Variants in ADCY10 observed in about 807,000 individuals in gnomAD.
ADCY10 encodes the protein adenylate cyclase type 10.
ADCY10 carries 156 observed loss-of-function variants against 183.3 expected under a neutral mutation model. The ratio of observed to expected loss-of-function variants is 0.85; its 90% CI spans 0.75 to 0.97. The LOEUF is 0.97. ADCY10 is among the 50% of genes least tolerant of loss of function. The pLI is 0.00. For synonymous variants in ADCY10, 645 were observed against 670.0 expected (o/e 0.96, Z 0.58); for missense variants, 1,745 against 1,934.3 (o/e 0.90, Z 1.84).
chr1:167,833,305 C>A, intron 24 of ADCY10, 143 bp from the exon 25 acceptor site: 3 of 786,340 alleles, frequency 3.8e-6, no homozygotes, highest in South Asian at 1.5e-5. Flanking sequence ...CTGTGCCTGG[C>A]ATAATAGAAA....
chr1:167,900,538 G>A (rs868835976), intron 5 of ADCY10, among the ~76,000 whole-genome samples: 1 of 151,674 alleles, frequency 6.6e-6, no homozygotes, highest in Admixed American at 6.6e-5. Context: ...ACTTATTTGG[G>A]CTTTTTTTTT....
rs549495630 is a variant in ADCY10 at position 167,810,679 on chromosome 1, T to A, written c.4671+46A>T. On this transcript the variant is annotated intron_variant, in intron 32 of 32. Transcript: ENST00000367851. ...GGCAGTAGGCTTCTGGGCTTCTTTATATGGGTGAGCATCGCCACCCCGGTT... is the reference window on the plus strand; with the variant it reads ...GGCAGTAGGCTTCTGGGCTTCTTTAAATGGGTGAGCATCGCCACCCCGGTT... 6.9e-6 allele frequency: 11 copies of A among 1,590,558 alleles called. No homozygotes were observed. In the South Asian group the frequency reaches 1.2e-4, roughly 18 times the overall value.
intron 2 of ADCY10, 139 bp downstream of exon 2, chr1:167,904,854 G>T: frequency 1.8e-6 from 2 of 1,112,282 alleles, no homozygotes; most frequent in Non-Finnish European, 2.7e-6. Flanking sequence ...TCCCTCTTGT[G>T]TTCTCAGTGG....
chr1:167,809,553 T>A lies in ADCY10; in HGVS notation c.*125A>T, dbSNP rs1662069812. 4 of 1,049,404 alleles carry A rather than the reference T, an allele frequency of 3.8e-6. No homozygotes were observed. In the Admixed American group the frequency reaches 5.7e-5, roughly 15 times the overall value. 65.0% of individuals were successfully genotyped at this position (1,049,404 alleles called of 1,614,324 possible). A position where few individuals can be genotyped will look rare whatever the true frequency, so the allele number is the denominator to read the frequency against. ...TCCAGAAAGAGAAGAAATCAACATG[T>A]CTGTTTCTGTGTCTGGAACAGAAGA... On this transcript the variant is annotated 3_prime_UTR_variant, in exon 33 of 33. Transcript: ENST00000367851.
chr1:167,859,112 T>TA (rs1666109106), intron 16 of ADCY10, among the ~76,000 whole-genome samples: 2 of 152,058 alleles, frequency 1.3e-5, no homozygotes, highest in Non-Finnish European at 2.9e-5. Flanking sequence ...GGCACTATAG[T>TA]AAAAAAATGA....
At chr1:167,811,015 A>G (rs977793000) in intron 31 of ADCY10, 102 bp from the exon 32 acceptor site, 34 of 1,116,902 alleles carry the variant, frequency 3.0e-5, no homozygotes, top group Middle Eastern at 2.1e-4. Context: ...CAAGGATTTA[A>G]GCAATCAAGT....
intron 25 of ADCY10, 41 bp from the exon 26 acceptor site, chr1:167,829,464 C>T: frequency 6.2e-7 from 1 of 1,612,228 alleles, no homozygotes. Context: ...TGAAAGGTAT[C>T]ATCATTACCA....
chr1:167,824,515 G>T lies in ADCY10; in HGVS notation c.4013C>A (p.Ser1338Tyr). ...GAGACATCTGCTAAGTCTGCAGAGGGACTGATAATGTCGGTTGGGATTCTG... is the reference window on the plus strand; with the variant it reads ...GAGACATCTGCTAAGTCTGCAGAGGTACTGATAATGTCGGTTGGGATTCTG... ...LLQNPNRHYQ[S>Y]LCRLSRCLLL... The change falls in exon 28 of 33, where the codon TCC becomes TAC. Residue 1338 changes from serine to tyrosine, a missense_variant. Transcript: ENST00000367851. 1.2e-6 allele frequency: 2 copies of T among 1,614,158 alleles called. No homozygotes were observed. Among genetic ancestry groups the T allele is most frequent in the Middle Eastern group, 1.7e-4 (1 of 6,058 alleles).
intron 3 of ADCY10, among the ~76,000 whole-genome samples, chr1:167,902,545 A>G (rs559539639): frequency 3.1e-4 from 47 of 152,350 alleles, no homozygotes; most frequent in Admixed American, 2.0e-3. Flanking sequence ...ACGGTATGGC[A>G]TAAATGGCCA....
intron 21 of ADCY10, 71 bp from the exon 22 acceptor site, chr1:167,837,389 C>G: frequency 1.5e-6 from 2 of 1,349,572 alleles, no homozygotes; most frequent in Non-Finnish European, 2.1e-6. Flanking sequence ...TGCTGTCTAC[C>G]CAAGACTCTT....
rs771111781 is a variant in ADCY10 at position 167,836,416 on chromosome 1, T to C, written c.3202A>G (p.Ile1068Val). ...AGAAAATGGTGGGCCAGAGGCAAGA[T>C]GACAATCTCTAGGATTTCTTCACAC... Reference protein sequence around the residue: ...CQCEEILEIVILPLAHHFLAL... With the variant: ...CQCEEILEIVVLPLAHHFLAL... The change falls in exon 23 of 33, where the codon ATC (isoleucine) becomes GTC (valine). Residue 1068 changes from isoleucine to valine, a missense_variant. Coordinates refer to ENST00000367851, the MANE Select transcript of ADCY10 (RefSeq NM_018417.6). The C allele has an allele frequency of 1.2e-6, 2 of 1,614,174 alleles. No homozygotes were observed. The highest frequency in any genetic ancestry group is 1.1e-5 in the South Asian group (1 of 91,092).
At chr1:167,850,662 CGT>C (rs35744623) in intron 18 of ADCY10, among the ~76,000 whole-genome samples, 13,665 of 87,616 alleles carry the variant, frequency 0.16, 728 homozygotes, top group Non-Finnish European at 0.19. Context: ...AAAAGGGGGC[CGT>C]GTGTGTGTGT....
In ADCY10 at chr1:167,901,996, A is replaced by C; in HGVS notation, c.292+20T>G. 1 of 1,613,518 alleles carries C rather than the reference A, an allele frequency of 6.2e-7. No homozygotes were observed. The highest frequency in any genetic ancestry group is 8.5e-7 in the Non-Finnish European group (1 of 1,179,788). Reference sequence around the variant, plus strand: ...TCAGCACTCCTTTCTTACCCCTTCTATCTTAGTAAGCCCCCATACCTGCAA... The same window carrying C: ...TCAGCACTCCTTTCTTACCCCTTCTCTCTTAGTAAGCCCCCATACCTGCAA... On this transcript the variant is annotated intron_variant, in intron 4 of 32. Transcript: ENST00000367851.
In ADCY10 at chr1:167,846,166, C is replaced by A; in HGVS notation, c.2535G>T (p.Leu845Phe). ...IIGLTFTTEL[L>F]FEILPCWNMK... ...TATTCCAACAGGGGAGAATCTCAAACAACAACTCAGTGGTGAAGGTCAGGC... is the reference window on the plus strand; with the variant it reads ...TATTCCAACAGGGGAGAATCTCAAAAAACAACTCAGTGGTGAAGGTCAGGC... Residue 845 changes from leucine (L) to phenylalanine (F), a missense_variant, in exon 20 of 33, where the codon TTG becomes TTT. Transcript: ENST00000367851. 6.2e-7 allele frequency: 1 copy of A among 1,614,092 alleles called. No individual in the cohort carries two copies. Among genetic ancestry groups the A allele is most frequent in the Non-Finnish European group, 8.5e-7 (1 of 1,179,962 alleles).
At chr1:167,881,354 G>C (rs1667858125) in intron 9 of ADCY10, among the ~76,000 whole-genome samples, 1 of 152,168 alleles carries the variant, frequency 6.6e-6, no homozygotes, top group South Asian at 2.1e-4. Context: ...GAAATTTTGA[G>C]TTTTTGACAT....
Position 167,899,627 on chromosome 1 carries a change from TC to T in ADCY10, c.437del (p.Gly146AspfsTer22), listed in dbSNP as rs1669253962. The T allele has an allele frequency of 6.2e-7, 1 of 1,613,754 alleles. No individual in the cohort carries two copies. The highest frequency in any genetic ancestry group is 8.5e-7 in the Non-Finnish European group (1 of 1,180,036). ...ACATGCTGATGTGGCCAGCAGCCAG[TC>T]CTGGCAAGAAGGCAAGGAATAGGTT... ...EEGLDIRVKI[G>X]LAAGHISMLV... On this transcript the variant is annotated frameshift_variant and splice_region_variant, in exon 6 of 33. Transcript: ENST00000367851. LOFTEE classifies it high-confidence loss of function.
chr1:167,833,189 G>A (rs2101903130), intron 24 of ADCY10, 27 bp from the exon 25 acceptor site: 10 of 1,603,798 alleles, frequency 6.2e-6, no homozygotes, highest in Non-Finnish European at 8.5e-6. Context: ...GGGAAGAGAG[G>A]AAAAGAGGAA....
At chr1:167,815,774 A>T (rs1430840114) in intron 31 of ADCY10, among the ~76,000 whole-genome samples, 1 of 152,230 alleles carries the variant, frequency 6.6e-6, no homozygotes, top group African/African-American at 2.4e-5. Context: ...GCTCTAATGA[A>T]TAAAGTAGAG....
At chr1:167,863,502 C>G (rs956527000) in intron 14 of ADCY10, among the ~76,000 whole-genome samples, 1 of 152,092 alleles carries the variant, frequency 6.6e-6, no homozygotes, top group African/African-American at 2.4e-5. Flanking sequence ...CCGATTCTCC[C>G]AGCTGATTAA....
Sources: gnomAD v4.1 joint callset for allele counts (sites outside exome capture counted in the v4.1 genomes callset) on GRCh38, gnomAD v4.1.1 for gene constraint, MANE v1.5 for transcripts, NCBI Gene and HGNC (gene_info 2026-07-23, HGNC 2026-07-21) for gene names.